The following ARFGEF3 variants were observed in gnomAD, a reference collection of about 807,000 sequenced individuals.
ARFGEF3 encodes the protein brefeldin A-inhibited guanine nucleotide-exchange protein 3.
In ARFGEF3, 96 loss-of-function variants were observed where a neutral mutation model predicts 221.7. The observed-to-expected ratio is 0.43, with a 90% CI of 0.37 to 0.51. ARFGEF3 has a LOEUF of 0.51. Among genes scored for constraint, ARFGEF3 ranks in the 20% least tolerant of loss-of-function variants. ARFGEF3 has a pLI of 0.00. For synonymous variants in ARFGEF3, 1,145 were observed against 1,126.8 expected (o/e 1.02, Z -0.32); for missense variants, 2,410 against 2,789.9 (o/e 0.86, Z 3.07).
At chr6:138,284,875 C>A (rs1779258933) in intron 14 of ARFGEF3, among the ~76,000 whole-genome samples, 1 of 152,178 alleles carries the variant, frequency 6.6e-6, no homozygotes, top group Non-Finnish European at 1.5e-5. Flanking sequence ...GATGGTATAG[C>A]CTATTGCTCC....
In ARFGEF3 at chr6:138,296,841, C is replaced by A; in HGVS notation, c.3534C>A (p.Ser1178Arg). ...GEVKSTQDRK[S>R]ALHLFRLGNA... ...TTAAATCCACTCAAGACCGAAAAAG[C>A]GCCCTCCACCTGTTCCGCCTGGGGA... Residue 1178 changes from serine (S) to arginine (R), a missense_variant, in exon 21 of 34, where the codon AGC (serine) becomes AGA (arginine). Physicochemically the swap from Ser to Arg is moderately radical, Grantham distance 110. This residue lies in a region of ARFGEF3 where 723 missense variants were observed against 991.9 expected (regional missense o/e 0.73). Coordinates refer to ENST00000251691, the MANE Select transcript of ARFGEF3 (RefSeq NM_020340.5). The A allele has an allele frequency of 6.2e-7, 1 of 1,613,924 alleles. No homozygotes were observed. Among genetic ancestry groups the A allele is most frequent in the Non-Finnish European group, 8.5e-7 (1 of 1,179,874 alleles).
At chr6:138,183,993 A>C (rs1777132019) in intron 2 of ARFGEF3, among the ~76,000 whole-genome samples, 1 of 152,204 alleles carries the variant, frequency 6.6e-6, no homozygotes, top group African/African-American at 2.4e-5. Flanking sequence ...GCTTCCACCC[A>C]CAGGGCTCGC....
chr6:138,336,443 A>C lies in ARFGEF3; in HGVS notation c.6491A>C (p.Glu2164Ala), dbSNP rs768039529. The change falls in exon 34 of 34, where the codon GAG becomes GCG. Residue 2164 changes from glutamate to alanine, a missense_variant. Glu to Ala is a moderately radical substitution (Grantham distance 107). Around this residue, in one of 5 missense-constraint regions of ARFGEF3, gnomAD observed 339 missense variants for 334.9 expected, o/e 1.01. Coordinates refer to ENST00000251691, the MANE Select transcript of ARFGEF3 (RefSeq NM_020340.5). ...ATCAGAGTTCGCCAGGCTGTGAGGG[A>C]GTGGCTGGGCAGGGTGGGCCGTGTC... is the stretch of plus-strand genomic sequence containing the variant. ...TDIRVRQAVR[E>A]WLGRVGRVYD... 1.2e-6 allele frequency: 2 copies of C among 1,612,886 alleles called. No homozygotes were observed. The highest frequency in any genetic ancestry group is 1.7e-6 in the Non-Finnish European group (2 of 1,179,464).
At position 138,215,223 on chromosome 6, in the gene ARFGEF3, G is replaced by A. The variant is rs113533967; in HGVS notation, c.351+5182G>A. On this transcript the variant is annotated intron_variant, in intron 4 of 33. Coordinates refer to ENST00000251691, the MANE Select transcript of ARFGEF3 (RefSeq NM_020340.5). ...TTTAGTGAGGTTATTAACTGATACA[G>A]CTGGCTGAGTCTTCAAAGGCTGCCG... is the stretch of plus-strand genomic sequence containing the variant. 1.8e-3 allele frequency among the ~76,000 whole-genome samples: 268 copies of A among 152,238 alleles called. 2 individuals carry two copies. The highest frequency in any genetic ancestry group is 6.3e-3 in the African/African-American group (262 of 41,542).
intron 2 of ARFGEF3, among the ~76,000 whole-genome samples, chr6:138,183,254 A>G (rs1219854153): frequency 6.6e-6 from 1 of 152,168 alleles, no homozygotes. Context: ...ATAAAGCTGT[A>G]TGTGGAAGAC....
intron 2 of ARFGEF3, among the ~76,000 whole-genome samples, chr6:138,194,072 A>G (rs1777363412): frequency 6.6e-6 from 1 of 152,144 alleles, no homozygotes; most frequent in Non-Finnish European, 1.5e-5. Context: ...GTTCGAGACC[A>G]GCCTGAACAA....
chr6:138,268,029 A>G (rs1433319025), intron 12 of ARFGEF3, among the ~76,000 whole-genome samples: 2 of 152,154 alleles, frequency 1.3e-5, no homozygotes, highest in East Asian at 3.9e-4. Flanking sequence ...ACCAACAGCT[A>G]ACTCTCTTCC....
intron 1 of ARFGEF3, 94 bp from the exon 2 acceptor site, chr6:138,170,568 T>C (rs1776808192): frequency 2.9e-6 from 2 of 688,810 alleles, no homozygotes; most frequent in African/African-American, 3.6e-5. Flanking sequence ...ATTAGAGGAA[T>C]TCCTGAAAAG....
intron 6 of ARFGEF3, among the ~76,000 whole-genome samples, 155 bp from the exon 7 acceptor site, chr6:138,242,797 C>T (rs1396505769): frequency 6.6e-6 from 1 of 152,148 alleles, no homozygotes; most frequent in African/African-American, 2.4e-5. Context: ...ATGAAACGCT[C>T]TCAAGAGCTG....
intron 32 of ARFGEF3, among the ~76,000 whole-genome samples, chr6:138,329,331 C>T (rs1432043390): frequency 6.6e-6 from 1 of 152,120 alleles, no homozygotes; most frequent in Non-Finnish European, 1.5e-5. Flanking sequence ...GGGTCCTTTG[C>T]CCAAGGACAC....
chr6:138,302,478 C>CT (rs1231664442), intron 22 of ARFGEF3, among the ~76,000 whole-genome samples: 11 of 152,102 alleles, frequency 7.2e-5, no homozygotes, highest in African/African-American at 2.4e-4. Context: ...ACCAACATAC[C>CT]TGTAATGGGA....
chr6:138,176,132 T>C (rs964642518), intron 2 of ARFGEF3, among the ~76,000 whole-genome samples: 4 of 152,128 alleles, frequency 2.6e-5, no homozygotes, highest in African/African-American at 9.7e-5. Context: ...TACACATGTC[T>C]CTACAAGTAA....
rs989159517 is a variant in ARFGEF3 at position 138,308,983 on chromosome 6, A to G, written c.4096+122A>G. ...AGCACGCATCCTGGGGTACAAGCAG[A>G]TGGTGGTGTTGTGTACTCAAAAGCA... On this transcript the variant is annotated intron_variant, in intron 24 of 33. Transcript: ENST00000251691. 6.6e-6 allele frequency: 8 copies of G among 1,214,510 alleles called. No individual in the cohort carries two copies. In the East Asian group the frequency reaches 9.4e-5, roughly 14 times the overall value. The allele number at this position is 1,214,510 out of a possible 1,614,324, so 75.2% of individuals were successfully genotyped here.
Position 138,334,011 on chromosome 6 carries a change from A to G in ARFGEF3, c.5165A>G (p.Gln1722Arg), listed in dbSNP as rs762065823. The change falls in exon 33 of 34, where the codon CAG becomes CGG. Residue 1722 changes from glutamine (Q) to arginine (R), a missense_variant. This residue lies in a region of ARFGEF3 where 723 missense variants were observed against 991.9 expected (regional missense o/e 0.73). Coordinates refer to ENST00000251691, the MANE Select transcript of ARFGEF3 (RefSeq NM_020340.5). The surrounding 1 kb of genome is among the most constrained non-coding windows in gnomAD (Gnocchi z 5.1). ...REIVVSLLSHQVLLQNLYDIL... is the reference protein window; with the variant it reads ...REIVVSLLSHRVLLQNLYDIL... ...ATTGTGGTGAGCCTGCTGTCTCATC[A>G]GGTGTTACTCCAGAACTTATATGAC... 6.2e-7 allele frequency: 1 copy of G among 1,612,800 alleles called. No homozygotes were observed. Among genetic ancestry groups the G allele is most frequent in the Non-Finnish European group, 8.5e-7 (1 of 1,178,950 alleles).
At chr6:138,311,077 A>G (rs1246836918) in intron 24 of ARFGEF3, among the ~76,000 whole-genome samples, 1 of 152,226 alleles carries the variant, frequency 6.6e-6, no homozygotes, top group African/African-American at 2.4e-5. Flanking sequence ...TGTACAAAGG[A>G]ACACCATCCA....
At chr6:138,258,844 C>G (rs2076268) in intron 10 of ARFGEF3, among the ~76,000 whole-genome samples, 34,536 of 152,118 alleles carry the variant, frequency 0.23, 6,427 homozygotes, top group African/African-American at 0.5. Flanking sequence ...ACAGGCACTA[C>G]AGCAGTCACT....
intron 1 of ARFGEF3, among the ~76,000 whole-genome samples, chr6:138,165,210 G>T (rs1181789380): frequency 1.3e-5 from 2 of 151,902 alleles, no homozygotes; most frequent in Non-Finnish European, 2.9e-5. Context: ...TGCGAGACAG[G>T]GGTCATCCCC....
chr6:138,287,563 G>A (rs935471344), intron 17 of ARFGEF3, among the ~76,000 whole-genome samples: 6 of 152,178 alleles, frequency 3.9e-5, no homozygotes, highest in Non-Finnish European at 7.3e-5. Flanking sequence ...TTTCTAAAGG[G>A]GAAATTAAGC....
At chr6:138,295,437 T>C (rs1287426026) in intron 20 of ARFGEF3, among the ~76,000 whole-genome samples, 1 of 150,146 alleles carries the variant, frequency 6.7e-6, no homozygotes, top group Non-Finnish European at 1.5e-5. Flanking sequence ...CTGACCAATA[T>C]GGTGAAACCC....
Sources: gnomAD v4.1 joint callset for allele counts (sites outside exome capture counted in the v4.1 genomes callset) on GRCh38, gnomAD v4.1.1 for gene constraint, gnomAD v4.1.1 regional missense constraint, Gnocchi (gnomAD v3.1) non-coding constraint, MANE v1.5 for transcripts, NCBI Gene and HGNC (gene_info 2026-07-23, HGNC 2026-07-21) for gene names.